Variants in PPP2R2B observed in about 807,000 individuals in gnomAD.
The protein encoded by PPP2R2B is serine/threonine-protein phosphatase 2A 55 kDa regulatory subunit B beta isoform.
Under a neutral mutation model 46.0 loss-of-function variants are expected in PPP2R2B, and 5 were observed. The observed-to-expected ratio is 0.11, with a 90% CI of 0.06 to 0.23. The LOEUF is 0.23. Among genes scored for constraint, PPP2R2B ranks in the 10% least tolerant of loss-of-function variants. The pLI is 1.00. For synonymous variants in PPP2R2B, 215 were observed against 206.7 expected (o/e 1.04, Z -0.34); for missense variants, 367 against 575.0 (o/e 0.64, Z 3.70).
At chr5:146,836,159 T>C (rs1486761305) in intron 2 of PPP2R2B, among the ~76,000 whole-genome samples, 1 of 152,240 alleles carries the variant, frequency 6.6e-6, no homozygotes, top group Non-Finnish European at 1.5e-5. Context: ...TTCTGCCTAC[T>C]ATGCCCTCCC....
At chr5:146,634,345 A>AT (rs905317742) in intron 7 of PPP2R2B, among the ~76,000 whole-genome samples, 37 of 151,702 alleles carry the variant, frequency 2.4e-4, no homozygotes, top group African/African-American at 8.7e-4. Flanking sequence ...TTGTTTATTT[A>AT]TTTTTTTGAG....
intron 7 of PPP2R2B, among the ~76,000 whole-genome samples, chr5:146,608,282 A>C (rs1442533653): frequency 6.6e-6 from 1 of 152,152 alleles, no homozygotes. Flanking sequence ...TTTCTGCTTA[A>C]ACTGCAAATT....
chr5:146,865,000 A>T lies in PPP2R2B; in HGVS notation c.70+13002T>A, dbSNP rs571382042. Among the ~76,000 whole-genome samples the T allele has an allele frequency of 2.6e-5, 4 of 152,312 alleles. No individual in the cohort carries two copies. In the South Asian group the frequency reaches 8.3e-4, roughly 32 times the overall value. On this transcript the variant is annotated intron_variant, in intron 2 of 9. Transcript: ENST00000394411. The stretch of plus-strand genomic sequence containing the variant: ...GAAACATAATTGTTCATACCATTTA[A>T]CCCAGTAAGCTACTTTTAGAAACTT...
intron 1 of PPP2R2B, among the ~76,000 whole-genome samples, chr5:146,951,154 T>C (rs530022564): frequency 6.6e-6 from 1 of 152,122 alleles, no homozygotes; most frequent in African/African-American, 2.4e-5. Context: ...TTTCTGAGAA[T>C]GGTACTCTGG....
At chr5:146,619,934 G>A (rs1379916830) in intron 7 of PPP2R2B, among the ~76,000 whole-genome samples, 2 of 152,116 alleles carry the variant, frequency 1.3e-5, no homozygotes, top group African/African-American at 4.8e-5. Flanking sequence ...AATATTATCT[G>A]TTCAGGATTC....
At chr5:146,802,634 A>G (rs1756931540) in intron 2 of PPP2R2B, among the ~76,000 whole-genome samples, 2 of 152,188 alleles carry the variant, frequency 1.3e-5, no homozygotes, top group Admixed American at 1.3e-4. Flanking sequence ...ACCTGAACAT[A>G]TGGTCTAAGT....
chr5:146,953,784 C>T (rs974854440), intron 1 of PPP2R2B, among the ~76,000 whole-genome samples: 3 of 152,104 alleles, frequency 2.0e-5, no homozygotes, highest in African/African-American at 4.8e-5. Flanking sequence ...AAATAGGTTT[C>T]GGTGACTATC....
intron 2 of PPP2R2B, among the ~76,000 whole-genome samples, chr5:146,724,534 G>A (rs994649371): frequency 6.6e-6 from 1 of 152,102 alleles, no homozygotes; most frequent in African/African-American, 2.4e-5. Context: ...CAAATATATA[G>A]TTGCAGTGAG....
chr5:146,860,508 A>G (rs1453858290), intron 2 of PPP2R2B, among the ~76,000 whole-genome samples: 1 of 152,220 alleles, frequency 6.6e-6, no homozygotes, highest in East Asian at 1.9e-4. Context: ...TGTTTCTCTG[A>G]CAAAATGTAC....
chr5:146,922,343 T>C (rs918235578), intron 1 of PPP2R2B: 2 of 152,180 alleles, frequency 1.3e-5, no homozygotes, highest in African/African-American at 4.8e-5. Flanking sequence ...TATCAGAAAA[T>C]AAACACCTCT....
intron 2 of PPP2R2B, among the ~76,000 whole-genome samples, chr5:146,803,606 C>T (rs1206828372): frequency 2.0e-5 from 3 of 152,060 alleles, no homozygotes; most frequent in African/African-American, 7.2e-5. Context: ...TCATCATTAG[C>T]AGGCCTAGCA....
At chr5:146,687,534 CT>C (rs1778584751) in intron 5 of PPP2R2B, among the ~76,000 whole-genome samples, 2 of 152,254 alleles carry the variant, frequency 1.3e-5, no homozygotes, top group South Asian at 4.1e-4. Context: ...CTGTCCTGCC[CT>C]CCTCATTGGC....
intron 2 of PPP2R2B, among the ~76,000 whole-genome samples, chr5:146,753,650 A>G (rs930669483): frequency 7.2e-5 from 11 of 152,112 alleles, no homozygotes; most frequent in Non-Finnish European, 1.5e-5. Flanking sequence ...TAAACTAAAG[A>G]TAAGTGAGAA....
At chr5:147,053,437 T>C (rs72827259) in intron 1 of PPP2R2B, among the ~76,000 whole-genome samples, 14 of 152,098 alleles carry the variant, frequency 9.2e-5, no homozygotes, top group African/African-American at 3.4e-4. Context: ...CACAGAGATA[T>C]TCACACACTA....
At chr5:146,750,005 G>C (rs58227500) in intron 2 of PPP2R2B, among the ~76,000 whole-genome samples, 1 of 152,090 alleles carries the variant, frequency 6.6e-6, no homozygotes, top group African/African-American at 2.4e-5. Flanking sequence ...GTGCCTATGG[G>C]AGTTCAATTG....
At chr5:146,797,131 C>A (rs930988140) in intron 2 of PPP2R2B, among the ~76,000 whole-genome samples, 6 of 152,160 alleles carry the variant, frequency 3.9e-5, no homozygotes, top group African/African-American at 1.4e-4. Flanking sequence ...CCACTGAAAT[C>A]AACAGAATAA....
exon 1 of PPP2R2B, chr5:147,081,407 T>A (rs1757964010): frequency 1.8e-6 from 2 of 1,086,514 alleles, no homozygotes; most frequent in Non-Finnish European, 2.7e-6. Context: ...AGTTTGTCCC[T>A]TCTCAGGCCC....
chr5:146,722,722 A>T (rs1387860032), intron 2 of PPP2R2B, among the ~76,000 whole-genome samples: 1 of 152,186 alleles, frequency 6.6e-6, no homozygotes, highest in East Asian at 1.9e-4. Flanking sequence ...AACATCTGAA[A>T]TTTTTTGCAA....
intron 2 of PPP2R2B, among the ~76,000 whole-genome samples, chr5:146,750,769 A>G (rs1753507522): frequency 6.6e-6 from 1 of 152,218 alleles, no homozygotes; most frequent in African/African-American, 2.4e-5. Context: ...CATAAGCCAG[A>G]AATCTATTTT....
Sources: gnomAD v4.1 joint callset for allele counts (sites outside exome capture counted in the v4.1 genomes callset) on GRCh38, gnomAD v4.1.1 for gene constraint, MANE v1.5 for transcripts, NCBI Gene and HGNC (gene_info 2026-07-23, HGNC 2026-07-21) for gene names.